Variants in FMN1 observed in about 807,000 individuals in gnomAD.
FMN1 encodes formin 1.
A neutral mutation model predicts 132.4 loss-of-function variants in FMN1; 110 were observed. That is an observed-to-expected ratio of 0.83 (90% CI 0.71 to 0.97). FMN1 has a LOEUF of 0.97. Among genes scored for constraint, FMN1 ranks in the 50% least tolerant of loss-of-function variants. The probability of loss-of-function intolerance (pLI) is 0.00; values close to 1 mark genes in which losing one functional copy is unlikely to be tolerated. For missense variants in FMN1, 1,792 were observed against 1,705.3 expected, an observed-to-expected ratio of 1.05 and a Z score of -0.90; for synonymous variants, 722 against 651.7, an observed-to-expected ratio of 1.11 and a Z score of -1.64.
In FMN1 at chr15:33,167,530, G is replaced by A. The variant is rs368481480; in HGVS notation, c.-131-12485C>T. Among the ~76,000 whole-genome samples, 16 of 152,258 alleles carry A rather than the reference G, an allele frequency of 1.1e-4. No individual in the cohort carries two copies. The East Asian group carries it at 2.3e-3, about 22-fold the overall frequency. On this transcript the variant is annotated intron_variant, in intron 3 of 20. Transcript: ENST00000616417. ...AGGCCTTTGGCTAAATGTACACCAT[G>A]CCTCATTCATTTACAGTTGACCTTT...
chr15:32,947,063 T>C (rs1186398332), intron 9 of FMN1, among the ~76,000 whole-genome samples: 1 of 152,192 alleles, frequency 6.6e-6, no homozygotes, highest in Non-Finnish European at 1.5e-5. Flanking sequence ...TATTTTAATG[T>C]AGTCACATTT....
intron 6 of FMN1, among the ~76,000 whole-genome samples, chr15:33,019,706 G>A (rs1215973387): frequency 6.6e-6 from 1 of 152,230 alleles, no homozygotes; most frequent in Non-Finnish European, 1.5e-5. Flanking sequence ...CGCACCCTCC[G>A]CAGCTGCTTG....
chr15:32,852,965 A>G (rs2059043309), intron 17 of FMN1, among the ~76,000 whole-genome samples: 1 of 152,026 alleles, frequency 6.6e-6, no homozygotes, highest in Admixed American at 6.6e-5. Context: ...CAAACACATC[A>G]TGTCTTTCAT....
At chr15:32,794,918 A>C (rs560210604) in intron 19 of FMN1, among the ~76,000 whole-genome samples, 2 of 152,336 alleles carry the variant, frequency 1.3e-5, no homozygotes, top group East Asian at 3.9e-4. Flanking sequence ...CATTAGGATC[A>C]GGCGTGGTGG....
At position 32,981,061 on chromosome 15, in the gene FMN1, CTCTTT is replaced by C. The variant is rs1233787878; in HGVS notation, c.2224-11589_2224-11585del. ...TTATAATTCATGTTTAATTTTAGAG[CTCTTT>C]TATTTTATTCAATTCTATTCAAACC... On this transcript the variant is annotated intron_variant, in intron 7 of 20. Coordinates refer to ENST00000616417, the MANE Select transcript of FMN1 (RefSeq NM_001277313.2). Among the ~76,000 whole-genome samples, 7 of 152,140 alleles carry C rather than the reference CTCTTT, an allele frequency of 4.6e-5. No homozygotes were observed. In the East Asian group the frequency reaches 1.4e-3, roughly 29 times the overall value.
chr15:32,973,046 A>G (rs748084510), intron 7 of FMN1, among the ~76,000 whole-genome samples: 19 of 152,084 alleles, frequency 1.2e-4, no homozygotes, highest in South Asian at 2.1e-4. Flanking sequence ...CACCACCTCA[A>G]TCTTTCACTG....
At position 32,767,671 on chromosome 15, in the gene FMN1, T is replaced by C. The variant is rs1404810781; in HGVS notation, c.*6639A>G. 3 of 152,250 alleles carry C rather than the reference T, an allele frequency of 2.0e-5. No individual in the cohort carries two copies. The highest frequency in any genetic ancestry group is 7.2e-5 in the African/African-American group (3 of 41,470). 9.4% of individuals were successfully genotyped at this position (152,250 alleles called of 1,614,324 possible). A position where few individuals can be genotyped will look rare whatever the true frequency, so the allele number is the denominator to read the frequency against. On this transcript the variant is annotated 3_prime_UTR_variant, in exon 21 of 21. Transcript: ENST00000616417. ...TTCTTTTTATTAATGCATACTCTCTTTGAAGATAAGACATCTAGCTGACAG... is the reference window on the plus strand; with the variant it reads ...TTCTTTTTATTAATGCATACTCTCTCTGAAGATAAGACATCTAGCTGACAG...
At chr15:32,869,378 A>G (rs16960235) in intron 16 of FMN1, among the ~76,000 whole-genome samples, 5,330 of 152,240 alleles carry the variant, frequency 0.035, 263 homozygotes, top group African/African-American at 0.11. Context: ...TACTTAAAGT[A>G]GTTAGGAAAA....
At chr15:32,820,727 C>T (rs1034183583) in intron 17 of FMN1, among the ~76,000 whole-genome samples, 9 of 152,124 alleles carry the variant, frequency 5.9e-5, no homozygotes, top group South Asian at 4.1e-4. Context: ...TTTAATACTA[C>T]GAAGGGCTGA....
chr15:33,106,817 GCC>G (rs368314995), intron 4 of FMN1, among the ~76,000 whole-genome samples: 1 of 152,010 alleles, frequency 6.6e-6, no homozygotes, highest in East Asian at 1.9e-4. Context: ...CTCTGAAATC[GCC>G]CCTAGTTGAG....
At chr15:33,056,952 G>A (rs1174401226) in intron 6 of FMN1, among the ~76,000 whole-genome samples, 5 of 152,174 alleles carry the variant, frequency 3.3e-5, no homozygotes, top group African/African-American at 4.8e-5. Flanking sequence ...TGAGGCAGGC[G>A]ATCACTGGAG....
At chr15:33,012,549 A>T (rs1225082854) in intron 6 of FMN1, 8 of 1,526,976 alleles carry the variant, frequency 5.2e-6, no homozygotes, top group Non-Finnish European at 6.3e-6. Context: ...GTGGCAAGAA[A>T]AGGGGCTTTG....
At chr15:33,083,824 T>TA (rs1328330072) in intron 5 of FMN1, among the ~76,000 whole-genome samples, 1 of 152,126 alleles carries the variant, frequency 6.6e-6, no homozygotes. Flanking sequence ...ACCCTGCTGA[T>TA]ACAGGATGTC....
intron 6 of FMN1, among the ~76,000 whole-genome samples, chr15:33,058,722 C>T (rs1315622681): frequency 6.6e-6 from 1 of 152,142 alleles, no homozygotes. Context: ...TGTTCAGGTC[C>T]ACTCACTTCA....
chr15:33,109,370 T>C lies in FMN1; in HGVS notation c.1868-20396A>G, dbSNP rs78600315. On this transcript the variant is annotated intron_variant, in intron 4 of 20. Transcript: ENST00000616417. ...GGGAAATTTTAAACACCATTAGTAA[T>C]AGCTAAAAGAATTGCAAGCCAAATG... Among the ~76,000 whole-genome samples the C allele has an allele frequency of 9.5e-3, 1,438 of 152,008 alleles. 18 individuals carry two copies. Among genetic ancestry groups the C allele is most frequent in the East Asian group, 0.054 (282 of 5,176 alleles).
intron 19 of FMN1, among the ~76,000 whole-genome samples, chr15:32,794,190 G>A (rs764138811): frequency 2.6e-5 from 4 of 151,824 alleles, no homozygotes; most frequent in African/African-American, 7.3e-5. Flanking sequence ...CAGCCCCCTC[G>A]CCCCCAAAAG....
chr15:32,806,277 G>T (rs2057677783), intron 17 of FMN1, among the ~76,000 whole-genome samples: 4 of 152,030 alleles, frequency 2.6e-5, no homozygotes, highest in African/African-American at 7.2e-5. Context: ...ATTAAACCTG[G>T]CCCTACCACT....
intron 6 of FMN1, among the ~76,000 whole-genome samples, chr15:33,036,084 T>C (rs1018326065): frequency 6.6e-6 from 1 of 152,210 alleles, no homozygotes; most frequent in Non-Finnish European, 1.5e-5. Flanking sequence ...TCAGCCTCCA[T>C]AACTGCATGG....
chr15:33,125,632 G>C (rs1016237400), intron 4 of FMN1, among the ~76,000 whole-genome samples: 2 of 151,584 alleles, frequency 1.3e-5, no homozygotes, highest in Non-Finnish European at 2.9e-5. Context: ...TTGAGGTCAG[G>C]AATTCAAGAC....
Sources: gnomAD v4.1 joint callset for allele counts (sites outside exome capture counted in the v4.1 genomes callset) on GRCh38, gnomAD v4.1.1 for gene constraint, MANE v1.5 for transcripts, NCBI Gene and HGNC (gene_info 2026-07-23, HGNC 2026-07-21) for gene names.